Variants in NLGN1 observed in about 807,000 individuals in gnomAD.
NLGN1 encodes the protein neuroligin 1.
In NLGN1, 12 loss-of-function variants were observed where a neutral mutation model predicts 65.5. The ratio of observed to expected loss-of-function variants is 0.18; its 90% CI spans 0.12 to 0.30. NLGN1 has a LOEUF of 0.30. Ranked by LOEUF, NLGN1 falls within the 10% of genes least tolerant of loss-of-function variation. The probability of loss-of-function intolerance (pLI) is 1.00; values close to 1 mark genes in which losing one functional copy is unlikely to be tolerated. For missense variants in NLGN1, 750 were observed against 1,007.1 expected, an observed-to-expected ratio of 0.74 and a Z score of 3.46; for synonymous variants, 350 against 359.5, an observed-to-expected ratio of 0.97 and a Z score of 0.30.
chr3:173,409,727 C>A (rs1003637834), intron 1 of NLGN1, among the ~76,000 whole-genome samples: 1 of 152,146 alleles, frequency 6.6e-6, no homozygotes, highest in African/African-American at 2.4e-5. Context: ...TATCAGCAAC[C>A]AACACTCTAA....
chr3:174,073,171 G>T (rs1046442387), intron 4 of NLGN1, among the ~76,000 whole-genome samples: 2 of 151,470 alleles, frequency 1.3e-5, no homozygotes, highest in African/African-American at 4.8e-5. Flanking sequence ...GATACAGTGA[G>T]TTCAAGAAAA....
Position 173,526,723 on chromosome 3 carries a change from C to T in NLGN1, c.-320-77556C>T, listed in dbSNP as rs1278011786. ...CACACTTTCTAACAATTTTTTGTAC[C>T]TATTAAATATGCCCGCTTTCCCCAC... On this transcript the variant is annotated intron_variant, in intron 2 of 6. Coordinates refer to ENST00000457714, the Ensembl canonical transcript of NLGN1. 4.6e-5 allele frequency among the ~76,000 whole-genome samples: 7 copies of T among 152,214 alleles called. No individual in the cohort carries two copies. In the East Asian group the frequency reaches 9.7e-4, roughly 21 times the overall value.
At chr3:173,906,661 C>A (rs1738453608) in intron 4 of NLGN1, among the ~76,000 whole-genome samples, 1 of 151,976 alleles carries the variant, frequency 6.6e-6, no homozygotes, top group Admixed American at 6.6e-5. Context: ...CACTATATTT[C>A]TTTCCCTTCT....
intron 3 of NLGN1, among the ~76,000 whole-genome samples, chr3:173,655,166 T>G (rs192513407): frequency 8.5e-5 from 13 of 152,116 alleles, no homozygotes; most frequent in Admixed American, 3.9e-4. Flanking sequence ...AAAAGCTAAA[T>G]AAGTATTTTA....
At chr3:174,085,381 C>T (rs938584141) in intron 4 of NLGN1, among the ~76,000 whole-genome samples, 5 of 151,958 alleles carry the variant, frequency 3.3e-5, no homozygotes, top group Non-Finnish European at 7.4e-5. Flanking sequence ...TTTATAAAAT[C>T]GTATCCTCAT....
At chr3:173,798,654 A>G (rs1412915015) in intron 3 of NLGN1, among the ~76,000 whole-genome samples, 2 of 152,054 alleles carry the variant, frequency 1.3e-5, no homozygotes, top group Admixed American at 1.3e-4. Flanking sequence ...TTTTCTGTTA[A>G]TGGAATAATT....
intron 4 of NLGN1, among the ~76,000 whole-genome samples, chr3:174,007,613 A>T (rs768789385): frequency 6.6e-6 from 1 of 152,218 alleles, no homozygotes; most frequent in Non-Finnish European, 1.5e-5. Flanking sequence ...AATTTTCTTG[A>T]TAGCAGAAAC....
chr3:173,706,400 A>G (rs981475316), intron 3 of NLGN1, among the ~76,000 whole-genome samples: 2 of 152,214 alleles, frequency 1.3e-5, no homozygotes, highest in Non-Finnish European at 2.9e-5. Context: ...CTATCATAAC[A>G]AATATTCTTA....
At chr3:174,268,149 A>G (rs1249623997) in intron 4 of NLGN1, among the ~76,000 whole-genome samples, 3 of 152,198 alleles carry the variant, frequency 2.0e-5, no homozygotes, top group East Asian at 3.8e-4. Context: ...ATCACAAGAC[A>G]TATTCCCGCA....
intron 1 of NLGN1, chr3:173,399,836 A>G (rs757998574): frequency 2.0e-5 from 3 of 152,150 alleles, no homozygotes; most frequent in Non-Finnish European, 2.9e-5. Context: ...TTTTTATAAA[A>G]TTTTTCACAT....
At chr3:173,564,251 G>A (rs900395054) in intron 2 of NLGN1, among the ~76,000 whole-genome samples, 7 of 152,178 alleles carry the variant, frequency 4.6e-5, no homozygotes, top group South Asian at 2.1e-4. Context: ...AAATGCTTCC[G>A]TATTTTCCTC....
intron 4 of NLGN1, among the ~76,000 whole-genome samples, chr3:174,203,221 T>C (rs557749300): frequency 6.6e-6 from 1 of 152,142 alleles, no homozygotes; most frequent in Non-Finnish European, 1.5e-5. Context: ...AGAGCAGTAA[T>C]TTTCTGCCCT....
chr3:173,795,929 G>A (rs1201496452), intron 3 of NLGN1, among the ~76,000 whole-genome samples: 10 of 152,000 alleles, frequency 6.6e-5, no homozygotes, highest in Non-Finnish European at 1.3e-4. Flanking sequence ...GAGGACAGGG[G>A]AAAAAAACAA....
At chr3:173,844,090 C>A (rs1001463649) in intron 4 of NLGN1, among the ~76,000 whole-genome samples, 28 of 152,166 alleles carry the variant, frequency 1.8e-4, no homozygotes, top group African/African-American at 6.5e-4. Context: ...CAGGAAAACT[C>A]CTGTTTTTAA....
intron 4 of NLGN1, among the ~76,000 whole-genome samples, chr3:174,093,168 G>A (rs576910237): frequency 1.3e-5 from 2 of 152,270 alleles, no homozygotes; most frequent in South Asian, 2.1e-4. Context: ...TGCATTAGCC[G>A]GAAAGGTATT....
At chr3:173,492,016 A>G (rs1729256079) in intron 2 of NLGN1, among the ~76,000 whole-genome samples, 2 of 151,768 alleles carry the variant, frequency 1.3e-5, no homozygotes, top group Admixed American at 6.6e-5. Flanking sequence ...CTCACTGACA[A>G]GGAAGCAAGA....
chr3:174,246,395 A>G (rs1743798283), intron 4 of NLGN1, among the ~76,000 whole-genome samples: 1 of 152,178 alleles, frequency 6.6e-6, no homozygotes, highest in Non-Finnish European at 1.5e-5. Flanking sequence ...ATTCTTGAGG[A>G]AAAACTTACT....
chr3:173,519,631 C>T (rs1734427269), intron 2 of NLGN1, among the ~76,000 whole-genome samples: 1 of 151,774 alleles, frequency 6.6e-6, no homozygotes, highest in Admixed American at 6.6e-5. Context: ...TAGGCCTTTT[C>T]TTTTTGCCAA....
intron 2 of NLGN1, among the ~76,000 whole-genome samples, chr3:173,570,575 C>T (rs1227769796): frequency 1.3e-5 from 2 of 152,168 alleles, no homozygotes; most frequent in African/African-American, 2.4e-5. Context: ...TTTTAGCGCT[C>T]CAGGAAGCCC....
Sources: gnomAD v4.1 joint callset for allele counts (sites outside exome capture counted in the v4.1 genomes callset) on GRCh38, gnomAD v4.1.1 for gene constraint, MANE v1.5 for transcripts, NCBI Gene and HGNC (gene_info 2026-07-23, HGNC 2026-07-21) for gene names.